QPCTL: variants seen among roughly 807,000 people sequenced by gnomAD.
QPCTL encodes glutaminyl-peptide cyclotransferase like.
QPCTL carries 31 observed loss-of-function variants against 34.6 expected under a neutral mutation model. The observed-to-expected ratio is 0.90, with a 90% confidence interval of 0.67 to 1.21. The LOEUF (loss-of-function observed/expected upper bound fraction) is 1.21, where lower values mean the gene tolerates loss of function less well. Among genes scored for constraint, QPCTL ranks in the 50% most tolerant of loss-of-function variants. The pLI, the probability that QPCTL is intolerant of heterozygous loss-of-function variation, is 0.00. For missense variants in QPCTL, 474 were observed against 507.8 expected, an observed-to-expected ratio of 0.93 and a Z score of 0.64; for synonymous variants, 223 against 226.9, an observed-to-expected ratio of 0.98 and a Z score of 0.15.
Position 45,698,582 on chromosome 19 carries a change from T to C in QPCTL, c.669T>C (p.Asp223=), listed in dbSNP as rs761659574. ...APVTLQLLFL[D]GEEALKEWGP... ...TGACCCTGCAACTGCTCTTCTTGGA[T>C]GGTGAAGAGGCGCTGAAGGAGTGGG... The change falls in exon 4 of 7, where the codon GAT becomes GAC. Residue 223 remains aspartate (D), a synonymous_variant. Transcript: ENST00000012049. 3.6e-5 allele frequency: 58 copies of C among 1,614,028 alleles called. No homozygotes were observed. Among genetic ancestry groups the C allele is most frequent in the Non-Finnish European group, 4.8e-5 (57 of 1,180,024 alleles).
At chr19:45,698,427 C>G (rs1032462535) in intron 3 of QPCTL, 120 bp from the exon 4 acceptor site, 1 of 1,236,620 alleles carries the variant, frequency 8.1e-7, no homozygotes. Flanking sequence ...CTACCACGTT[C>G]TATGAGTGAG....
intron 3 of QPCTL, among the ~76,000 whole-genome samples, chr19:45,696,260 A>G (rs1190602564): frequency 6.6e-6 from 1 of 151,380 alleles, no homozygotes; most frequent in Non-Finnish European, 1.5e-5. Flanking sequence ...GCTTGCTCCC[A>G]CCTCAGGGCA....
At chr19:45,701,937 G>T (rs1483220991) in intron 6 of QPCTL, 23 bp downstream of exon 6, 1 of 1,581,772 alleles carries the variant, frequency 6.3e-7, no homozygotes, top group Non-Finnish European at 8.7e-7. Flanking sequence ...GGGAGGGATG[G>T]AGGGTGGGTG....
rs747446095 is a variant in QPCTL at position 45,702,939 on chromosome 19, C to T, written c.1039C>T (p.Pro347Ser). 1.9e-6 allele frequency: 3 copies of T among 1,613,994 alleles called. No individual in the cohort carries two copies. The highest frequency in any genetic ancestry group is 1.6e-4 in the Middle Eastern group (1 of 6,084). ...GCTCCATCTCATCTCCACGCCCTTC[C>T]CTGCTGTCTGGCACACCCCTGCGGA... ...PVLHLISTPF[P>S]AVWHTPADTE... Residue 347 changes from proline to serine, a missense_variant, in exon 7 of 7, where the codon CCT (proline) becomes TCT (serine). By Grantham distance (74) the Pro-to-Ser change is moderately conservative. Coordinates refer to ENST00000012049, the MANE Select transcript of QPCTL (RefSeq NM_017659.4).
At position 45,703,137 on chromosome 19, in the gene QPCTL, G is replaced by C; in HGVS notation, c.*88G>C. ...AGCTCAGGCAGGATCTGCCTAGGGT[G>C]TGCTGGTTTGTCCTTTTCATACCTT... On this transcript the variant is annotated 3_prime_UTR_variant, in exon 7 of 7. Transcript: ENST00000012049. 1 of 1,508,116 alleles carries C rather than the reference G, an allele frequency of 6.6e-7. No homozygotes were observed. The highest frequency in any genetic ancestry group is 1.2e-5 in the South Asian group (1 of 84,658). 93.4% of individuals were successfully genotyped at this position (1,508,116 alleles called of 1,614,324 possible). A position where few individuals can be genotyped will look rare whatever the true frequency, so the allele number is the denominator to read the frequency against.
rs759408267 is a variant in QPCTL at position 45,702,956 on chromosome 19, C to G, written c.1056C>G (p.Thr352=). 9 of 1,613,926 alleles carry G rather than the reference C, an allele frequency of 5.6e-6. No homozygotes were observed. The highest frequency in any genetic ancestry group is 2.2e-5 in the East Asian group (1 of 44,888). ...ISTPFPAVWH[T]PADTEVNLHP... Reference sequence around the variant, plus strand: ...CGCCCTTCCCTGCTGTCTGGCACACCCCTGCGGACACCGAGGTCAATCTCC... The same window carrying G: ...CGCCCTTCCCTGCTGTCTGGCACACGCCTGCGGACACCGAGGTCAATCTCC... Residue 352 remains threonine, a synonymous_variant, in exon 7 of 7, where the codon ACC becomes ACG. Transcript: ENST00000012049.
In QPCTL at chr19:45,693,394, A is replaced by G. The variant is rs1384972282; in HGVS notation, c.208-19A>G. On this transcript the variant is annotated intron_variant, in intron 1 of 6. Coordinates refer to ENST00000012049, the MANE Select transcript of QPCTL (RefSeq NM_017659.4). ...GGTTGCTCTCATTCTTCCCTTCCCT[A>G]TCCCACCTCCTTCCCAAGGTCCCAT... is the stretch of plus-strand genomic sequence containing the variant. The G allele has an allele frequency of 1.2e-6, 2 of 1,603,866 alleles. No homozygotes were observed. The highest frequency in any genetic ancestry group is 2.2e-5 in the South Asian group (2 of 90,074).
In QPCTL at chr19:45,703,139, G is replaced by A; in HGVS notation, c.*90G>A. 6.6e-7 allele frequency: 1 copy of A among 1,509,118 alleles called. No homozygotes were observed. The highest frequency in any genetic ancestry group is 1.2e-5 in the South Asian group (1 of 84,688). 93.5% of individuals were successfully genotyped at this position (1,509,118 alleles called of 1,614,324 possible). ...CTCAGGCAGGATCTGCCTAGGGTGTGCTGGTTTGTCCTTTTCATACCTTTG... is the reference window on the plus strand; with the variant it reads ...CTCAGGCAGGATCTGCCTAGGGTGTACTGGTTTGTCCTTTTCATACCTTTG... On this transcript the variant is annotated 3_prime_UTR_variant, in exon 7 of 7. Transcript: ENST00000012049.
At position 45,692,926 on chromosome 19, in the gene QPCTL, G is replaced by T; in HGVS notation, c.207+16G>T. 6.5e-7 allele frequency: 1 copy of T among 1,531,660 alleles called. No individual in the cohort carries two copies. The highest frequency in any genetic ancestry group is 1.2e-5 in the South Asian group (1 of 83,428). The allele number at this position is 1,531,660 out of a possible 1,614,324, so 94.9% of individuals were successfully genotyped here. On this transcript the variant is annotated intron_variant, in intron 1 of 6. Coordinates refer to ENST00000012049, the MANE Select transcript of QPCTL (RefSeq NM_017659.4). The stretch of plus-strand genomic sequence containing the variant: ...GGAGCTGCGGGTGAGGCTGGGCGGG[G>T]ACCCGGGCACCGCGGGGACCCTCAT...
chr19:45,697,416 A>C (rs1055549562), intron 3 of QPCTL, among the ~76,000 whole-genome samples: 3 of 128,722 alleles, frequency 2.3e-5, no homozygotes, highest in African/African-American at 9.2e-5. Flanking sequence ...ATACAGCGAG[A>C]CTCCGTCTCA....
Position 45,702,950 on chromosome 19 carries a change from G to C in QPCTL, c.1050G>C (p.Trp350Cys), listed in dbSNP as rs376399152. 7 of 1,613,886 alleles carry C rather than the reference G, an allele frequency of 4.3e-6. No individual in the cohort carries two copies. In the African/African-American group the frequency reaches 9.4e-5, roughly 22 times the overall value. Residue 350 changes from tryptophan (W) to cysteine (C), a missense_variant, in exon 7 of 7, where the codon TGG becomes TGC. Trp to Cys is a radical substitution (Grantham distance 215). Transcript: ENST00000012049. ...TCTCCACGCCCTTCCCTGCTGTCTG[G>C]CACACCCCTGCGGACACCGAGGTCA... is the stretch of plus-strand genomic sequence containing the variant. Reference protein sequence around the residue: ...HLISTPFPAVWHTPADTEVNL... With the variant: ...HLISTPFPAVCHTPADTEVNL...
At chr19:45,695,895 G>C (rs1967684640) in intron 3 of QPCTL, among the ~76,000 whole-genome samples, 177 bp downstream of exon 3, 1 of 151,298 alleles carries the variant, frequency 6.6e-6, no homozygotes, top group Non-Finnish European at 1.5e-5. Flanking sequence ...CCCCAGGATG[G>C]AGTGCACATG....
rs758573019 is a variant in QPCTL, at chr19:45,698,821, T to C, written c.807T>C (p.Asp269=). 62 of 1,613,880 alleles carry C rather than the reference T, an allele frequency of 3.8e-5. No individual in the cohort carries two copies. Among genetic ancestry groups the C allele is most frequent in the Middle Eastern group, 1.6e-4 (1 of 6,084 alleles). Residue 269 remains aspartate (D), a synonymous_variant, in exon 5 of 7, where the codon GAT becomes GAC. Transcript: ENST00000012049. The stretch of plus-strand genomic sequence containing the variant: ...CTTAGGAGCTCTTTATGCTTCTTGA[T>C]CTCCTGGGAGCCCCCAATCCCACCT... ...IQAIELFMLL[D]LLGAPNPTFY...
Position 45,695,534 on chromosome 19 carries a change from A to G in QPCTL, c.449A>G (p.Asn150Ser), listed in dbSNP as rs1168234620. The G allele has an allele frequency of 1.9e-6, 3 of 1,613,974 alleles. No homozygotes were observed. In the African/African-American group the frequency reaches 4.0e-5, roughly 22 times the overall value. Residue 150 changes from asparagine (N) to serine (S), a missense_variant, in exon 3 of 7, where the codon AAT becomes AGT. Transcript: ENST00000012049. ...STPLGPVDFG[N>S]VVATLDPRAA... is the part of the protein sequence containing the mutation. ...CCCCTGGGGCCAGTGGACTTTGGCA[A>G]TGTGGTGGCCACACTGGACCCAAGG...
chr19:45,702,390 G>A (rs949209689), intron 6 of QPCTL, among the ~76,000 whole-genome samples: 2 of 151,774 alleles, frequency 1.3e-5, no homozygotes, highest in African/African-American at 4.8e-5. Flanking sequence ...TTGGGCCTGG[G>A]AAGTCAAGGC....
Position 45,692,831 on chromosome 19 carries a change from C to A in QPCTL, c.128C>A (p.Ala43Asp). Reference sequence around the variant, plus strand: ...CTCTTGCCTCTGTTGCTGGCGCTGGCCGTGGGCTCGGCGTTCTACACCATT... The same window carrying A: ...CTCTTGCCTCTGTTGCTGGCGCTGGACGTGGGCTCGGCGTTCTACACCATT... ...VRLLPLLLAL[A>D]VGSAFYTIWS... Residue 43 changes from alanine (A) to aspartate (D), a missense_variant, in exon 1 of 7, where the codon GCC becomes GAC. Physicochemically the swap from Ala to Asp is moderately radical, Grantham distance 126. Transcript: ENST00000012049. The A allele has an allele frequency of 6.4e-7, 1 of 1,564,816 alleles. No individual in the cohort carries two copies. The highest frequency in any genetic ancestry group is 1.7e-4 in the Middle Eastern group (1 of 5,942).
intron 3 of QPCTL, 55 bp downstream of exon 3, chr19:45,695,773 C>T (rs1967680021): frequency 2.0e-6 from 3 of 1,499,686 alleles, no homozygotes; most frequent in South Asian, 2.6e-5. Flanking sequence ...TTCCCAAGCC[C>T]CCACCCTCCC....
At chr19:45,698,750 G>A in intron 4 of QPCTL, 51 bp downstream of exon 4, 1 of 1,613,648 alleles carries the variant, frequency 6.2e-7, no homozygotes, top group South Asian at 1.1e-5. Flanking sequence ...AGGTTAAGCA[G>A]GGCTGGCGTC....
At chr19:45,694,136 T>C (rs1967643514) in intron 2 of QPCTL, among the ~76,000 whole-genome samples, 1 of 152,126 alleles carries the variant, frequency 6.6e-6, no homozygotes, top group Admixed American at 6.6e-5. Flanking sequence ...TCCCAGCACT[T>C]TGGGAGGCCG....
Sources: allele counts gnomAD v4.1 joint callset (sites outside exome capture counted in the v4.1 genomes callset), GRCh38; gene constraint gnomAD v4.1.1; transcripts MANE v1.5; gene names NCBI Gene and HGNC (gene_info 2026-07-23, HGNC 2026-07-21).